Variants in SYT1 observed in about 807,000 individuals in gnomAD.
The protein encoded by SYT1 is synaptotagmin-1.
Under a neutral mutation model 44.8 loss-of-function variants are expected in SYT1, and 8 were observed. The ratio of observed to expected loss-of-function variants is 0.18; its 90% CI spans 0.10 to 0.32. SYT1 has a LOEUF of 0.32. Among genes scored for constraint, SYT1 ranks in the 10% least tolerant of loss-of-function variants. The pLI is 1.00. For synonymous variants in SYT1, 154 were observed against 188.8 expected, an observed-to-expected ratio of 0.82 and a Z score of 1.51; for missense variants, 286 against 509.3, an observed-to-expected ratio of 0.56 and a Z score of 4.22.
intron 4 of SYT1, among the ~76,000 whole-genome samples, chr12:79,246,179 A>G (rs1248477929): frequency 6.6e-6 from 1 of 152,214 alleles, no homozygotes; most frequent in Non-Finnish European, 1.5e-5. Flanking sequence ...TCTGAAGACC[A>G]GTAGACATGT....
At chr12:79,264,878 T>C (rs570528332) in intron 4 of SYT1, among the ~76,000 whole-genome samples, 1 of 152,328 alleles carries the variant, frequency 6.6e-6, no homozygotes, top group Admixed American at 6.5e-5. Flanking sequence ...CATGAATAGC[T>C]GTGTACTACC....
chr12:79,096,021 G>T (rs1336566807), intron 3 of SYT1, among the ~76,000 whole-genome samples: 2 of 151,878 alleles, frequency 1.3e-5, no homozygotes, highest in Admixed American at 1.3e-4. Flanking sequence ...GTGGTGGCAG[G>T]TTATGGGAGG....
intron 2 of SYT1, among the ~76,000 whole-genome samples, chr12:79,040,455 C>T (rs1386419286): frequency 6.6e-6 from 1 of 152,142 alleles, no homozygotes; most frequent in African/African-American, 2.4e-5. Flanking sequence ...CCTTCACCCA[C>T]TTTTTGATGG....
At position 79,172,969 on chromosome 12, in the gene SYT1, C is replaced by CAAA. The variant is rs200575966; in HGVS notation, c.-17-44499_-17-44497dup. On this transcript the variant is annotated intron_variant, in intron 3 of 10. Coordinates refer to ENST00000261205, the MANE Select transcript of SYT1 (RefSeq NM_005639.3). ...TTCAGGTTACTAGAGTTCCTGCTCT[C>CAAA]AAAAAAAAAAAAAAAAAAAAAAAAA... 9.4e-3 allele frequency among the ~76,000 whole-genome samples: 148 copies of CAAA among 15,724 alleles called. 59 individuals are homozygous for CAAA. Among genetic ancestry groups the CAAA allele is most frequent in the East Asian group, 0.02 (13 of 660 alleles). 10.3% of individuals were successfully genotyped at this position (15,724 alleles called of 152,430 possible).
At chr12:78,889,541 T>A (rs1025240861) in intron 1 of SYT1, among the ~76,000 whole-genome samples, 22 of 151,954 alleles carry the variant, frequency 1.4e-4, no homozygotes, top group Non-Finnish European at 2.9e-4. Flanking sequence ...AGAAATGTTA[T>A]TTATGAAAGT....
At chr12:79,219,649 G>T (rs1201970420) in intron 4 of SYT1, among the ~76,000 whole-genome samples, 4 of 151,930 alleles carry the variant, frequency 2.6e-5, no homozygotes, top group Non-Finnish European at 5.9e-5. Context: ...AAAGTGAGTT[G>T]GCAGTAAATG....
intron 8 of SYT1, among the ~76,000 whole-genome samples, chr12:79,309,256 C>T (rs73351076): frequency 0.011 from 1,616 of 152,246 alleles, 30 homozygotes; most frequent in African/African-American, 0.037. Flanking sequence ...CCAAACAGTA[C>T]GAAAGAGTCC....
intron 3 of SYT1, among the ~76,000 whole-genome samples, chr12:79,072,466 A>G (rs1476703054): frequency 6.6e-6 from 1 of 152,146 alleles, no homozygotes; most frequent in African/African-American, 2.4e-5. Context: ...TAAGATTAAC[A>G]CATTTTATCT....
chr12:78,910,409 T>G (rs1876250106), intron 1 of SYT1, among the ~76,000 whole-genome samples: 1 of 151,966 alleles, frequency 6.6e-6, no homozygotes, highest in South Asian at 2.1e-4. Flanking sequence ...CTGGGTTAAC[T>G]TTTTTAGACT....
At chr12:79,169,082 G>C (rs1185674999) in intron 3 of SYT1, among the ~76,000 whole-genome samples, 1 of 151,996 alleles carries the variant, frequency 6.6e-6, no homozygotes, top group Non-Finnish European at 1.5e-5. Flanking sequence ...GATGAATCAA[G>C]GGACAGCAGG....
At chr12:78,884,004 A>G (rs1565701200) in intron 1 of SYT1, among the ~76,000 whole-genome samples, 1 of 145,562 alleles carries the variant, frequency 6.9e-6, no homozygotes, top group Non-Finnish European at 1.5e-5. Flanking sequence ...ATAAAAAATT[A>G]TTCCATAAAA....
chr12:79,114,137 G>A (rs1361651991), intron 3 of SYT1, among the ~76,000 whole-genome samples: 1 of 152,128 alleles, frequency 6.6e-6, no homozygotes, highest in Admixed American at 6.6e-5. Context: ...GAACTGCCTT[G>A]GTGGATAAAG....
In SYT1 at chr12:78,885,269, AAGGGAAGGAAGG is replaced by A. The variant is rs1273742050; in HGVS notation, c.-217+20175_-217+20186del. Among the ~76,000 whole-genome samples the A allele has an allele frequency of 8.4e-5, 12 of 142,498 alleles. No individual in the cohort carries two copies. The East Asian group carries it at 9.5e-4, about 11-fold the overall frequency. The allele number at this position is 142,498 out of a possible 152,430, so 93.5% of individuals were successfully genotyped here. On this transcript the variant is annotated intron_variant, in intron 1 of 10. Coordinates refer to ENST00000261205, the MANE Select transcript of SYT1 (RefSeq NM_005639.3). ...AGTGAGAAGAAAGGGGGAAGGAGGG[AAGGGAAGGAAGG>A]AGGGAAGGAAGGAGAGAAGAAAGGA... is the stretch of plus-strand genomic sequence containing the variant.
chr12:79,203,060 T>C (rs528758179), intron 3 of SYT1, among the ~76,000 whole-genome samples: 105 of 150,378 alleles, frequency 7.0e-4, no homozygotes, highest in African/African-American at 2.5e-3. Flanking sequence ...GCAAGTTAGC[T>C]TCGCCTAGTA....
intron 1 of SYT1, among the ~76,000 whole-genome samples, chr12:78,929,296 T>C (rs1469467232): frequency 6.7e-6 from 1 of 150,268 alleles, no homozygotes; most frequent in Non-Finnish European, 1.5e-5. Flanking sequence ...CAGCTACTCA[T>C]GAGGCTGAGG....
chr12:79,303,679 A>T (rs568383895), intron 8 of SYT1, among the ~76,000 whole-genome samples: 3 of 152,300 alleles, frequency 2.0e-5, no homozygotes, highest in African/African-American at 7.2e-5. Context: ...CAATTTTGCA[A>T]GAAAATTTCA....
At chr12:78,981,570 A>G (rs927716099) in intron 2 of SYT1, among the ~76,000 whole-genome samples, 1 of 151,946 alleles carries the variant, frequency 6.6e-6, no homozygotes, top group Admixed American at 6.6e-5. Flanking sequence ...AGGGAGAACT[A>G]ATGAATCTTT....
chr12:79,232,190 G>A (rs934178409), intron 4 of SYT1, among the ~76,000 whole-genome samples: 7 of 152,204 alleles, frequency 4.6e-5, no homozygotes, highest in Admixed American at 4.6e-4. Flanking sequence ...AATTCCATAA[G>A]CTTCCACTGC....
At chr12:78,928,888 G>A (rs1877456604) in intron 1 of SYT1, among the ~76,000 whole-genome samples, 2 of 152,020 alleles carry the variant, frequency 1.3e-5, no homozygotes, top group South Asian at 4.1e-4. Context: ...AACAAGAGGG[G>A]AATGCTGTAT....
Sources: allele counts gnomAD v4.1 joint callset (sites outside exome capture counted in the v4.1 genomes callset), GRCh38; gene constraint gnomAD v4.1.1; transcripts MANE v1.5; gene names NCBI Gene and HGNC (gene_info 2026-07-23, HGNC 2026-07-21).